ARG2: variants seen among roughly 807,000 people sequenced by gnomAD.
ARG2 encodes the protein arginase 2.
Under a neutral mutation model 39.4 loss-of-function variants are expected in ARG2, and 21 were observed. The ratio of observed to expected loss-of-function variants is 0.53; its 90% CI spans 0.38 to 0.77. The LOEUF (loss-of-function observed/expected upper bound fraction) is 0.77, where lower values mean the gene tolerates loss of function less well. ARG2 is among the 30% of genes least tolerant of loss of function. The pLI, the probability that ARG2 is intolerant of heterozygous loss-of-function variation, is 0.00. For missense variants in ARG2, 378 were observed against 426.2 expected (o/e 0.89, Z 1.00); for synonymous variants, 150 against 156.7 (o/e 0.96, Z 0.32).
Position 67,646,863 on chromosome 14 carries a change from C to T in ARG2, c.618-58C>T, listed in dbSNP as rs914604842. 10 of 1,398,722 alleles carry T rather than the reference C, an allele frequency of 7.1e-6. No individual in the cohort carries two copies. In the East Asian group the frequency reaches 1.4e-4, roughly 19 times the overall value. The allele number at this position is 1,398,722 out of a possible 1,614,324, so 86.6% of individuals were successfully genotyped here. A position where few individuals can be genotyped will look rare whatever the true frequency, so the allele number is the denominator to read the frequency against. The stretch of plus-strand genomic sequence containing the variant: ...ACAAACCCACCCTCTCCCCCAAATA[C>T]ATATTTGTTAAAAATGCTCTTTAAA... On this transcript the variant is annotated intron_variant, in intron 5 of 7. Coordinates refer to ENST00000261783, the MANE Select transcript of ARG2 (RefSeq NM_001172.4).
At chr14:67,624,951 A>T (rs2036847570) in intron 2 of ARG2, among the ~76,000 whole-genome samples, 1 of 152,218 alleles carries the variant, frequency 6.6e-6, no homozygotes, top group Non-Finnish European at 1.5e-5. Flanking sequence ...CTGCAATCAC[A>T]GTGAAACCAG....
intron 6 of ARG2, 51 bp downstream of exon 6, chr14:67,647,076 T>G (rs769094848): frequency 1.8e-6 from 2 of 1,131,796 alleles, no homozygotes; most frequent in South Asian, 2.5e-5. Context: ...GCAACACACT[T>G]TTAGCCTGTT....
At chr14:67,639,551 G>A (rs1267747637) in intron 2 of ARG2, among the ~76,000 whole-genome samples, 1 of 152,020 alleles carries the variant, frequency 6.6e-6, no homozygotes, top group Non-Finnish European at 1.5e-5. Context: ...GAACCTAATG[G>A]TTGATGTGAT....
chr14:67,624,551 G>A (rs56246064), intron 2 of ARG2, among the ~76,000 whole-genome samples: 24,667 of 152,070 alleles, frequency 0.16, 2,152 homozygotes, highest in Middle Eastern at 0.27. Flanking sequence ...GGAAGACAGC[G>A]AAGAGGGAGG....
At chr14:67,647,542 G>C (rs2037115935) in intron 6 of ARG2, 1 of 155,536 alleles carries the variant, frequency 6.4e-6, no homozygotes. Flanking sequence ...TTGGACACTG[G>C]GGCTATAATG....
intron 2 of ARG2, among the ~76,000 whole-genome samples, chr14:67,625,992 A>G (rs971916088): frequency 9.2e-5 from 14 of 151,854 alleles, no homozygotes; most frequent in Non-Finnish European, 1.6e-4. Flanking sequence ...GGCGGCTTAC[A>G]CCTGTAATCC....
In ARG2 at chr14:67,648,113, AG is replaced by A; in HGVS notation, c.791del (p.Gly264GlufsTer8). On this transcript the variant is annotated frameshift_variant, in exon 7 of 8. Coordinates refer to ENST00000261783, the MANE Select transcript of ARG2 (RefSeq NM_001172.4). LOFTEE classifies it high-confidence loss of function. ...TTGACCCTACACTGGCTCCAGCCAC[AG>A]GAACTCCTGTTGTCGGGGGACTAAC... Reference protein sequence around the residue: ...AFDPTLAPATGTPVVGGLTYR... With the variant: ...AFDPTLAPATXTPVVGGLTYR... The A allele has an allele frequency of 6.2e-7, 1 of 1,614,030 alleles. No individual in the cohort carries two copies. The highest frequency in any genetic ancestry group is 8.5e-7 in the Non-Finnish European group (1 of 1,179,910).
intron 2 of ARG2, among the ~76,000 whole-genome samples, chr14:67,622,783 G>A (rs1011213600): frequency 5.3e-5 from 8 of 152,210 alleles, no homozygotes; most frequent in African/African-American, 1.4e-4. Context: ...TTGCTCTACC[G>A]TCTGTAGGTT....
chr14:67,651,323 T>A lies in ARG2; in HGVS notation c.*403T>A, dbSNP rs2037172569. 6.2e-7 allele frequency: 1 copy of A among 1,610,530 alleles called. No homozygotes were observed. The highest frequency in any genetic ancestry group is 8.5e-7 in the Non-Finnish European group (1 of 1,177,956). Reference sequence around the variant, plus strand: ...CAGCAATATGCTTATTCTATCCACATCCCTAACATCATGCATTCACAAGGT... The same window carrying A: ...CAGCAATATGCTTATTCTATCCACAACCCTAACATCATGCATTCACAAGGT... On this transcript the variant is annotated 3_prime_UTR_variant, in exon 8 of 8. Coordinates refer to ENST00000261783, the MANE Select transcript of ARG2 (RefSeq NM_001172.4).
chr14:67,624,937 T>A (rs548424803), intron 2 of ARG2, among the ~76,000 whole-genome samples: 1 of 152,234 alleles, frequency 6.6e-6, no homozygotes, highest in Admixed American at 6.5e-5. Context: ...GGACAACCGA[T>A]AGCCTGCAAT....
chr14:67,634,693 G>A (rs1167313073), intron 2 of ARG2, among the ~76,000 whole-genome samples: 1 of 151,968 alleles, frequency 6.6e-6, no homozygotes, highest in Non-Finnish European at 1.5e-5. Context: ...GATAATGACT[G>A]CTTTCTTCAA....
intron 2 of ARG2, among the ~76,000 whole-genome samples, chr14:67,639,269 G>T (rs1213839821): frequency 6.6e-6 from 1 of 152,110 alleles, no homozygotes; most frequent in Non-Finnish European, 1.5e-5. Flanking sequence ...TTGGACTTGG[G>T]TAGTCCCAAA....
intron 2 of ARG2, among the ~76,000 whole-genome samples, chr14:67,635,077 T>C (rs1951940590): frequency 6.6e-6 from 1 of 151,282 alleles, no homozygotes; most frequent in African/African-American, 2.5e-5. Context: ...AAATCTTGTC[T>C]CTACAAAAAA....
intron 2 of ARG2, among the ~76,000 whole-genome samples, chr14:67,623,535 T>A (rs1042802248): frequency 4.7e-5 from 1 of 21,456 alleles, no homozygotes; most frequent in South Asian, 1.9e-3. Flanking sequence ...TCAGGTAACC[T>A]TTTTTTTTTT....
At chr14:67,632,560 G>A (rs2036928626) in intron 2 of ARG2, among the ~76,000 whole-genome samples, 1 of 152,026 alleles carries the variant, frequency 6.6e-6, no homozygotes, top group African/African-American at 2.4e-5. Context: ...TTGTACCCAG[G>A]GGAGTTAGGC....
intron 7 of ARG2, chr14:67,650,315 T>C (rs1159774386): frequency 4.0e-6 from 1 of 247,082 alleles, no homozygotes; most frequent in African/African-American, 2.3e-5. Flanking sequence ...TCTGCCTTCA[T>C]ACTTGATTCA....
rs771646335 is a variant in ARG2 at position 67,648,107 on chromosome 14, A to G, written c.783A>G (p.Pro261=). ...DIDAFDPTLA[P]ATGTPVVGGL... is the part of the protein sequence containing the mutation. ...ATGCATTTGACCCTACACTGGCTCCAGCCACAGGAACTCCTGTTGTCGGGG... is the reference window on the plus strand; with the variant it reads ...ATGCATTTGACCCTACACTGGCTCCGGCCACAGGAACTCCTGTTGTCGGGG... The change falls in exon 7 of 8, where the codon CCA becomes CCG. Residue 261 remains proline (P), a synonymous_variant. Coordinates refer to ENST00000261783, the MANE Select transcript of ARG2 (RefSeq NM_001172.4). 7 of 1,614,002 alleles carry G rather than the reference A, an allele frequency of 4.3e-6. No homozygotes were observed. Among genetic ancestry groups the G allele is most frequent in the Non-Finnish European group, 5.9e-6 (7 of 1,179,876 alleles).
At position 67,648,128 on chromosome 14, in the gene ARG2, C is replaced by T. The variant is rs146923741; in HGVS notation, c.804C>T (p.Val268=). 19 of 1,613,992 alleles carry T rather than the reference C, an allele frequency of 1.2e-5. No homozygotes were observed. Among genetic ancestry groups the T allele is most frequent in the Admixed American group, 6.7e-5 (4 of 60,008 alleles). The change falls in exon 7 of 8, where the codon GTC becomes GTT. Residue 268 remains valine, a synonymous_variant. Coordinates refer to ENST00000261783, the MANE Select transcript of ARG2 (RefSeq NM_001172.4). The part of the protein sequence containing the change: ...TLAPATGTPV[V]GGLTYREGMY... Reference sequence around the variant, plus strand: ...CTCCAGCCACAGGAACTCCTGTTGTCGGGGGACTAACCTATCGAGAAGGCA... The same window carrying T: ...CTCCAGCCACAGGAACTCCTGTTGTTGGGGGACTAACCTATCGAGAAGGCA...
rs2037088553 is a variant in ARG2, at chr14:67,645,662, A to C, written c.382A>C (p.Ser128Arg). ...GDHSLAIGTI[S>R]GHARHCPDLC... is the part of the protein sequence containing the mutation. Reference sequence around the variant, plus strand: ...TTGCAGCCTGGCAATCGGTACCATTAGTGGCCATGCCCGACACTGCCCAGA... The same window carrying C: ...TTGCAGCCTGGCAATCGGTACCATTCGTGGCCATGCCCGACACTGCCCAGA... Residue 128 changes from serine to arginine, a missense_variant, in exon 4 of 8, where the codon AGT (serine) becomes CGT (arginine). Transcript: ENST00000261783. The C allele has an allele frequency of 6.2e-7, 1 of 1,613,776 alleles. No homozygotes were observed. Among genetic ancestry groups the C allele is most frequent in the Non-Finnish European group, 8.5e-7 (1 of 1,179,872 alleles).
Sources: gnomAD v4.1 joint callset for allele counts (sites outside exome capture counted in the v4.1 genomes callset) on GRCh38, gnomAD v4.1.1 for gene constraint, MANE v1.5 for transcripts, NCBI Gene and HGNC (gene_info 2026-07-23, HGNC 2026-07-21) for gene names.